The following HGS variants were observed in gnomAD, a reference collection of about 807,000 sequenced individuals.
HGS encodes the protein human growth factor-regulated tyrosine kinase substrate.
In HGS, 63 loss-of-function variants were observed where a neutral mutation model predicts 109.7. The observed-to-expected ratio is 0.57, with a 90% CI of 0.47 to 0.71. HGS has a LOEUF of 0.71. HGS is among the 30% of genes least tolerant of loss of function. The pLI, the probability that HGS is intolerant of heterozygous loss-of-function variation, is 0.00. For synonymous variants in HGS, 546 were observed against 437.3 expected (o/e 1.25, Z -3.10); for missense variants, 995 against 1,068.3 (o/e 0.93, Z 0.96).
In HGS at chr17:81,691,220, C is replaced by T. The variant is rs1223594238; in HGVS notation, c.538-227C>T. 2 of 558,916 alleles carry T rather than the reference C, an allele frequency of 3.6e-6. No homozygotes were observed. Among genetic ancestry groups the T allele is most frequent in the Non-Finnish European group, 6.4e-6 (2 of 311,596 alleles). 34.6% of individuals were successfully genotyped at this position (558,916 alleles called of 1,614,324 possible). Reference sequence around the variant, plus strand: ...GATGTGTATTTTTTCCTTGCCCTTACTTTTAACTTACCTTATTTTCCCCAA... The same window carrying T: ...GATGTGTATTTTTTCCTTGCCCTTATTTTTAACTTACCTTATTTTCCCCAA... On this transcript the variant is annotated intron_variant, in intron 7 of 21. Coordinates refer to ENST00000329138, the MANE Select transcript of HGS (RefSeq NM_004712.5). This position sits in a 1 kb window ranked among gnomAD's most constrained non-coding sequence, Gnocchi z 5.3.
chr17:81,684,396 T>G (rs992343503), intron 1 of HGS: 138 of 324,144 alleles, frequency 4.3e-4, no homozygotes, highest in African/African-American at 2.6e-3. Flanking sequence ...CGATTTCCTC[T>G]TGACCGACGA....
Position 81,695,145 on chromosome 17 carries a change from C to T in HGS, c.1120-19C>T. On this transcript the variant is annotated intron_variant, in intron 13 of 21. Coordinates refer to ENST00000329138, the MANE Select transcript of HGS (RefSeq NM_004712.5). ...GATGCGGGACAGGTTGGAGGCCCCA[C>T]TCATTCTCTCTCTTCCAGAACCCCC... 5 of 1,613,978 alleles carry T rather than the reference C, an allele frequency of 3.1e-6. No homozygotes were observed. In the South Asian group the frequency reaches 3.3e-5, roughly 11 times the overall value.
intron 15 of HGS, 132 bp from the exon 16 acceptor site, chr17:81,696,225 C>G: frequency 8.0e-7 from 1 of 1,256,204 alleles, no homozygotes; most frequent in South Asian, 1.6e-5. Context: ...CCTGCCTCCC[C>G]CAGAGCCCAG....
chr17:81,688,417 G>A lies in HGS; in HGVS notation c.292-287G>A, dbSNP rs565183144. 3.7e-3 allele frequency among the ~76,000 whole-genome samples: 558 copies of A among 152,350 alleles called. 3 individuals are homozygous for A. Among genetic ancestry groups the A allele is most frequent in the Non-Finnish European group, 5.2e-3 (352 of 68,020 alleles). On this transcript the variant is annotated intron_variant, in intron 4 of 21. Coordinates refer to ENST00000329138, the MANE Select transcript of HGS (RefSeq NM_004712.5). ...CCTGTTGGAGGCTGACGGGAACCGG[G>A]GATCCTGGGGTGGGCAGGTCCCGTG...
chr17:81,684,460 C>A (rs79193599), intron 1 of HGS: 24,478 of 240,228 alleles, frequency 0.1, 1,571 homozygotes, highest in Middle Eastern at 0.15. Flanking sequence ...GTGACTCAGT[C>A]GGATGTTAGG....
rs1399895220 is a variant in HGS, at chr17:81,695,360, C to G, written c.1179+137C>G. The G allele has an allele frequency of 8.4e-6, 7 of 834,330 alleles. No individual in the cohort carries two copies. The Admixed American group carries it at 1.8e-4, about 21-fold the overall frequency. The allele number at this position is 834,330 out of a possible 1,614,324, so 51.7% of individuals were successfully genotyped here. On this transcript the variant is annotated intron_variant, in intron 14 of 21. Transcript: ENST00000329138. The stretch of plus-strand genomic sequence containing the variant: ...GTGTCTGCCCCAGCCCAGCCCTGGC[C>G]TGCCCTGCCCTGCCCTTTGTGGCCT...
intron 15 of HGS, 72 bp from the exon 16 acceptor site, chr17:81,696,285 G>T: frequency 6.9e-7 from 1 of 1,452,736 alleles, no homozygotes. Flanking sequence ...GCCCATCTGC[G>T]TGTCCGTTCC....
At chr17:81,685,299 C>T (rs998359558) in intron 1 of HGS, among the ~76,000 whole-genome samples, 8 of 152,216 alleles carry the variant, frequency 5.3e-5, no homozygotes, top group African/African-American at 1.9e-4. Flanking sequence ...CAGCCTCTGT[C>T]TCTGGTGAGC....
rs1447005454 is a variant in HGS at position 81,696,913 on chromosome 17, G to A, written c.1797G>A (p.Val599=). 4.4e-6 allele frequency: 7 copies of A among 1,608,666 alleles called. No individual in the cohort carries two copies. Among genetic ancestry groups the A allele is most frequent in the Non-Finnish European group, 5.9e-6 (7 of 1,179,818 alleles). The change falls in exon 18 of 22, where the codon GTG becomes GTA. Residue 599 remains valine (V), a synonymous_variant. Transcript: ENST00000329138. ...GCACCTTCAGCCCTGCCGGCTCGGTGGAGGGCTCCCCAATGCACGGCGTGT... is the reference window on the plus strand; with the variant it reads ...GCACCTTCAGCCCTGCCGGCTCGGTAGAGGGCTCCCCAATGCACGGCGTGT... ...FPSTFSPAGS[V]EGSPMHGVYM...
chr17:81,694,867 T>C lies in HGS; in HGVS notation c.975+14T>C. 6.2e-7 allele frequency: 1 copy of C among 1,614,194 alleles called. No homozygotes were observed. Among genetic ancestry groups the C allele is most frequent in the Non-Finnish European group, 8.5e-7 (1 of 1,179,996 alleles). ...ATCGACCCTGAGGTAAGGCCCAGCA[T>C]GGGGTGCATCCTCTCACGGTTTCTG... On this transcript the variant is annotated intron_variant, in intron 12 of 21. Coordinates refer to ENST00000329138, the MANE Select transcript of HGS (RefSeq NM_004712.5).
chr17:81,701,257 C>T (rs778694381), intron 21 of HGS, 126 bp downstream of exon 21: 4 of 886,726 alleles, frequency 4.5e-6, no homozygotes, highest in Non-Finnish European at 7.1e-6. Context: ...GAGACGCATA[C>T]CCGAGGCCCC....
intron 11 of HGS, 64 bp from the exon 12 acceptor site, chr17:81,694,751 C>T (rs2144498209): frequency 1.3e-6 from 2 of 1,587,832 alleles, no homozygotes; most frequent in Non-Finnish European, 8.7e-7. Context: ...CTGGGGACAT[C>T]CCTGTCCCTG....
At chr17:81,690,063 C>T (rs113927721) in intron 5 of HGS, 119 bp from the exon 6 acceptor site, 3 of 1,071,146 alleles carry the variant, frequency 2.8e-6, no homozygotes, top group African/African-American at 1.6e-5. Context: ...TGCCCCCAGA[C>T]ACCTTCACTT....
At position 81,695,002 on chromosome 17, in the gene HGS, G is replaced by C; in HGVS notation, c.1054G>C (p.Val352Leu). Residue 352 changes from valine to leucine, a missense_variant, in exon 13 of 22, where the codon GTG becomes CTG. Coordinates refer to ENST00000329138, the MANE Select transcript of HGS (RefSeq NM_004712.5). ...CAAGAGCCCCACGCCATCTGCGCCC[G>C]TGCCCCTGACGGAGCCGGCTGCACA... ...ARKSPTPSAP[V>L]PLTEPAAQPG... The C allele has an allele frequency of 6.2e-7, 1 of 1,614,056 alleles. No homozygotes were observed. Among genetic ancestry groups the C allele is most frequent in the Non-Finnish European group, 8.5e-7 (1 of 1,180,014 alleles).
chr17:81,688,192 G>A lies in HGS; in HGVS notation c.292-512G>A, dbSNP rs569607309. On this transcript the variant is annotated intron_variant, in intron 4 of 21. Transcript: ENST00000329138. The stretch of plus-strand genomic sequence containing the variant: ...TCCCCGAGAGGGCCGTAGACGCGAG[G>A]CCAGGCTGCGCTCTAACCGGGGGAG... 2.0e-5 allele frequency among the ~76,000 whole-genome samples: 3 copies of A among 151,692 alleles called. No individual in the cohort carries two copies. In the East Asian group the frequency reaches 5.8e-4, roughly 29 times the overall value.
intron 1 of HGS, chr17:81,685,049 A>G: frequency 6.1e-6 from 6 of 985,398 alleles, no homozygotes; most frequent in Non-Finnish European, 6.0e-6. Flanking sequence ...TGGAGACAGC[A>G]GTGATGTGGT....
chr17:81,690,567 C>A, intron 6 of HGS, 107 bp from the exon 7 acceptor site: 1 of 1,119,008 alleles, frequency 8.9e-7, no homozygotes, highest in Non-Finnish European at 1.3e-6. Flanking sequence ...CTCGCTCGTG[C>A]TGGGGTCCTC....
rs1323182843 is a variant in HGS, at chr17:81,691,176, T to A, written c.538-271T>A. On this transcript the variant is annotated intron_variant, in intron 7 of 21. Coordinates refer to ENST00000329138, the MANE Select transcript of HGS (RefSeq NM_004712.5). The surrounding 1 kb of genome is among the most constrained non-coding windows in gnomAD (Gnocchi z 5.3). ...GCACCCACTGCACTCACAAAAGCTCTTGTTTTATCAGCAGAATTGATGTGT... is the reference window on the plus strand; with the variant it reads ...GCACCCACTGCACTCACAAAAGCTCATGTTTTATCAGCAGAATTGATGTGT... 2.0e-6 allele frequency: 1 copy of A among 488,912 alleles called. No homozygotes were observed. Among genetic ancestry groups the A allele is most frequent in the Non-Finnish European group, 3.7e-6 (1 of 268,164 alleles). The allele number at this position is 488,912 out of a possible 1,614,324, so 30.3% of individuals were successfully genotyped here. A position where few individuals can be genotyped will look rare whatever the true frequency, so the allele number is the denominator to read the frequency against.
At chr17:81,692,093 A>G in intron 8 of HGS, 1 of 161,312 alleles carries the variant, frequency 6.2e-6, no homozygotes, top group Non-Finnish European at 1.4e-5. Flanking sequence ...TTCGCCTGTG[A>G]TCTCTGAGAG....
Sources: gnomAD v4.1 joint callset for allele counts (sites outside exome capture counted in the v4.1 genomes callset) on GRCh38, gnomAD v4.1.1 for gene constraint, Gnocchi (gnomAD v3.1) non-coding constraint, MANE v1.5 for transcripts, NCBI Gene and HGNC (gene_info 2026-07-23, HGNC 2026-07-21) for gene names.